The following GRM1 variants were observed in gnomAD, a reference collection of about 807,000 sequenced individuals.
The protein encoded by GRM1 is metabotropic glutamate receptor 1.
GRM1 carries 33 observed loss-of-function variants against 90.9 expected under a neutral mutation model. The ratio of observed to expected loss-of-function variants is 0.36; its 90% confidence interval spans 0.28 to 0.49. GRM1 has a LOEUF of 0.49. Ranked by LOEUF, GRM1 falls within the 20% of genes least tolerant of loss-of-function variation. GRM1 has a pLI of 0.99. For missense variants in GRM1, 1,190 were observed against 1,534.3 expected, an observed-to-expected ratio of 0.78 and a Z score of 3.75; for synonymous variants, 700 against 613.2, an observed-to-expected ratio of 1.14 and a Z score of -2.09.
chr6:146,324,001 A>G (rs535404937), intron 3 of GRM1, among the ~76,000 whole-genome samples: 2 of 152,222 alleles, frequency 1.3e-5, no homozygotes, highest in South Asian at 4.1e-4. Context: ...GTAGCCTTGT[A>G]GTATAGTTTG....
At position 146,349,073 on chromosome 6, in the gene GRM1, A is replaced by ATTATTATTATTATTG. The variant is rs796562880; in HGVS notation, c.1187-3166_1187-3165insATTGTTATTATTATT. 3.3e-3 allele frequency among the ~76,000 whole-genome samples: 485 copies of ATTATTATTATTATTG among 147,660 alleles called. 12 individuals carry two copies. The East Asian group carries it at 0.076, about 23-fold the overall frequency. On this transcript the variant is annotated intron_variant, in intron 3 of 7. Transcript: ENST00000282753. Reference sequence around the variant, plus strand: ...TATTATTATTATTATTATTATTATTATTATTATTATTGAGACGGAGTCTCG... The same window carrying ATTATTATTATTATTG: ...TATTATTATTATTATTATTATTATTATTATTATTATTATTGTTATTATTATTGAGACGGAGTCTCG...
chr6:146,220,736 G>T (rs1250289721), intron 2 of GRM1, among the ~76,000 whole-genome samples: 1 of 151,958 alleles, frequency 6.6e-6, no homozygotes, highest in African/African-American at 2.4e-5. Flanking sequence ...TGTCCTCATA[G>T]AGTTACAGTA....
intron 1 of GRM1, among the ~76,000 whole-genome samples, chr6:146,058,781 T>G (rs1775569697): frequency 6.6e-6 from 1 of 152,124 alleles, no homozygotes; most frequent in Admixed American, 6.6e-5. Context: ...AATCATTTGT[T>G]GTCATTTCAC....
chr6:146,279,088 A>G (rs1409690702), intron 2 of GRM1, among the ~76,000 whole-genome samples: 1 of 152,124 alleles, frequency 6.6e-6, no homozygotes, highest in Non-Finnish European at 1.5e-5. Flanking sequence ...CCATTTTTCT[A>G]TTGTGTCTAC....
chr6:146,406,529 G>A (rs1014739717), intron 7 of GRM1, among the ~76,000 whole-genome samples: 7 of 152,084 alleles, frequency 4.6e-5, no homozygotes, highest in Non-Finnish European at 7.4e-5. Context: ...GGTGCCCTTT[G>A]TAGAAGAAAG....
At chr6:146,316,745 A>G (rs970543261) in intron 3 of GRM1, among the ~76,000 whole-genome samples, 2 of 151,344 alleles carry the variant, frequency 1.3e-5, no homozygotes, top group African/African-American at 2.4e-5. Context: ...CTGATTGGGG[A>G]CTGTCTTTTT....
chr6:146,159,258 C>T, intron 1 of GRM1, 90 bp from the exon 2 acceptor site: 1 of 1,509,274 alleles, frequency 6.6e-7, no homozygotes, highest in Non-Finnish European at 9.2e-7. Flanking sequence ...CCGTTCTCTC[C>T]ATTCCTGTGA....
chr6:146,221,217 G>C (rs1768572906), intron 2 of GRM1, among the ~76,000 whole-genome samples: 1 of 152,124 alleles, frequency 6.6e-6, no homozygotes, highest in Admixed American at 6.6e-5. Context: ...TATACTTTAA[G>C]TTCTGGGATA....
intron 2 of GRM1, among the ~76,000 whole-genome samples, chr6:146,262,436 T>C (rs1002939920): frequency 2.0e-5 from 3 of 151,996 alleles, no homozygotes; most frequent in Non-Finnish European, 2.9e-5. Flanking sequence ...TTCATGTATA[T>C]ATATGCTAAC....
chr6:146,351,057 C>G (rs944739409), intron 3 of GRM1, among the ~76,000 whole-genome samples: 2 of 152,116 alleles, frequency 1.3e-5, no homozygotes, highest in Non-Finnish European at 2.9e-5. Context: ...ATATCAAAGT[C>G]AAAACTCTTT....
At chr6:146,250,906 T>C (rs1181136597) in intron 2 of GRM1, among the ~76,000 whole-genome samples, 4 of 152,218 alleles carry the variant, frequency 2.6e-5, no homozygotes, top group Admixed American at 2.0e-4. Flanking sequence ...AATTACACCA[T>C]AATTTCCTGT....
rs984254440 is a variant in GRM1 at position 146,436,917 on chromosome 6, T to C, written c.*2121T>C. 1 of 152,638 alleles carries C rather than the reference T, an allele frequency of 6.6e-6. No homozygotes were observed. Among genetic ancestry groups the C allele is most frequent in the Non-Finnish European group, 1.5e-5 (1 of 68,030 alleles). The allele number at this position is 152,638 out of a possible 1,614,324, so 9.5% of individuals were successfully genotyped here. ...TTCCAATGTTGGAGGCTTGTATTAC[T>C]TATATTTCATCATATTCTATTGCCA... On this transcript the variant is annotated 3_prime_UTR_variant, in exon 8 of 8. Transcript: ENST00000282753.
At chr6:146,158,691 A>G (rs1346820385) in intron 1 of GRM1, among the ~76,000 whole-genome samples, 2 of 152,198 alleles carry the variant, frequency 1.3e-5, no homozygotes, top group East Asian at 3.9e-4. Context: ...TATCTCATTG[A>G]TTTCTATGAG....
intron 1 of GRM1, among the ~76,000 whole-genome samples, chr6:146,071,483 C>T (rs1191479140): frequency 6.6e-6 from 1 of 152,166 alleles, no homozygotes; most frequent in Non-Finnish European, 1.5e-5. Flanking sequence ...CTTACTTAGG[C>T]AGTTTTACTC....
intron 2 of GRM1, among the ~76,000 whole-genome samples, chr6:146,185,319 G>T (rs1464622409): frequency 6.6e-6 from 1 of 152,118 alleles, no homozygotes; most frequent in Non-Finnish European, 1.5e-5. Context: ...AAAGAACATG[G>T]GGCTAGTCTG....
intron 2 of GRM1, among the ~76,000 whole-genome samples, chr6:146,180,075 G>A (rs556531426): frequency 2.6e-5 from 4 of 152,028 alleles, no homozygotes; most frequent in Admixed American, 6.5e-5. Flanking sequence ...AACCTGGGAG[G>A]TCAAGACTGA....
chr6:146,315,153 C>T (rs555921682), intron 3 of GRM1, among the ~76,000 whole-genome samples: 2 of 152,176 alleles, frequency 1.3e-5, no homozygotes, highest in African/African-American at 4.8e-5. Context: ...AGTTCAAGAC[C>T]AGCCTGGGAA....
intron 2 of GRM1, among the ~76,000 whole-genome samples, chr6:146,272,386 C>A (rs1329894707): frequency 6.6e-6 from 1 of 152,108 alleles, no homozygotes; most frequent in Non-Finnish European, 1.5e-5. Context: ...TGTTGTGGGA[C>A]CTGAAACTAA....
chr6:146,092,065 G>C (rs1357368288), intron 1 of GRM1, among the ~76,000 whole-genome samples: 1 of 151,990 alleles, frequency 6.6e-6, no homozygotes. Flanking sequence ...TCATTGTTTT[G>C]GCTGCTATTA....
Sources: allele counts gnomAD v4.1 joint callset (sites outside exome capture counted in the v4.1 genomes callset), GRCh38; gene constraint gnomAD v4.1.1; transcripts MANE v1.5; gene names NCBI Gene and HGNC (gene_info 2026-07-23, HGNC 2026-07-21).